The following ZNF804B variants were observed in gnomAD, a reference collection of about 807,000 sequenced individuals.
ZNF804B encodes zinc finger 804B.
ZNF804B carries 80 observed loss-of-function variants against 101.4 expected under a neutral mutation model. That is an observed-to-expected ratio of 0.79 (90% CI 0.66 to 0.95). The LOEUF (loss-of-function observed/expected upper bound fraction) is 0.95, where lower values mean the gene tolerates loss of function less well. Ranked by LOEUF, ZNF804B falls within the 40% of genes least tolerant of loss-of-function variation. The pLI is 0.00. For missense variants in ZNF804B, 1,673 were observed against 1,561.9 expected, an observed-to-expected ratio of 1.07 and a Z score of -1.20; for synonymous variants, 622 against 558.8, an observed-to-expected ratio of 1.11 and a Z score of -1.59.
chr7:88,967,574 G>A (rs528981697), intron 1 of ZNF804B, among the ~76,000 whole-genome samples: 9 of 150,290 alleles, frequency 6.0e-5, no homozygotes, highest in African/African-American at 1.5e-4. Flanking sequence ...GATTTAAATT[G>A]CAAAGGTAAC....
chr7:88,796,662 A>G (rs1790490424), intron 1 of ZNF804B, among the ~76,000 whole-genome samples: 1 of 152,104 alleles, frequency 6.6e-6, no homozygotes, highest in Non-Finnish European at 1.5e-5. Flanking sequence ...TCTCACATCC[A>G]ACTCTGGAAA....
intron 1 of ZNF804B, among the ~76,000 whole-genome samples, chr7:88,878,287 T>C (rs1455995678): frequency 1.3e-5 from 2 of 152,146 alleles, no homozygotes; most frequent in African/African-American, 4.8e-5. Context: ...GGTCTCACTT[T>C]CTCCATTAGA....
At chr7:89,275,888 C>G (rs1275833978) in intron 2 of ZNF804B, among the ~76,000 whole-genome samples, 1 of 151,610 alleles carries the variant, frequency 6.6e-6, no homozygotes, top group African/African-American at 2.4e-5. Flanking sequence ...AGTGCAAAAC[C>G]TCTTGGATTT....
At chr7:88,879,925 G>A (rs1470996032) in intron 1 of ZNF804B, among the ~76,000 whole-genome samples, 2 of 152,094 alleles carry the variant, frequency 1.3e-5, no homozygotes, top group Non-Finnish European at 2.9e-5. Flanking sequence ...TGTATTCCGA[G>A]CTATGCAGGA....
intron 1 of ZNF804B, among the ~76,000 whole-genome samples, chr7:89,127,161 A>G (rs1243785135): frequency 1.3e-5 from 2 of 151,970 alleles, no homozygotes; most frequent in Admixed American, 6.6e-5. Flanking sequence ...CCTTTAAAAC[A>G]TAATTCATTT....
At chr7:89,184,412 C>T (rs564590650) in intron 1 of ZNF804B, among the ~76,000 whole-genome samples, 3 of 152,204 alleles carry the variant, frequency 2.0e-5, no homozygotes, top group South Asian at 4.1e-4. Context: ...GTTATTTCCC[C>T]TCAGCCTTCT....
intron 1 of ZNF804B, among the ~76,000 whole-genome samples, chr7:88,866,259 G>A (rs901914335): frequency 6.6e-6 from 1 of 152,164 alleles, no homozygotes; most frequent in African/African-American, 2.4e-5. Flanking sequence ...ATCTGTGATA[G>A]AGTCTTCAAG....
At chr7:88,779,258 G>A (rs2115654828) in intron 1 of ZNF804B, among the ~76,000 whole-genome samples, 1 of 152,186 alleles carries the variant, frequency 6.6e-6, no homozygotes, top group South Asian at 2.1e-4. Context: ...GTAGGGCCTG[G>A]GCTATGCATT....
intron 1 of ZNF804B, among the ~76,000 whole-genome samples, chr7:89,081,221 G>A (rs1789693155): frequency 6.6e-6 from 1 of 151,928 alleles, no homozygotes; most frequent in African/African-American, 2.4e-5. Context: ...CTTATTCAGT[G>A]CCAGGAATAT....
At chr7:88,812,894 A>T (rs1224323011) in intron 1 of ZNF804B, among the ~76,000 whole-genome samples, 1 of 151,966 alleles carries the variant, frequency 6.6e-6, no homozygotes, top group Non-Finnish European at 1.5e-5. Flanking sequence ...GTTACTAGGG[A>T]CCAAGGAGAG....
At chr7:89,260,446 G>C (rs1368676374) in intron 2 of ZNF804B, among the ~76,000 whole-genome samples, 1 of 151,718 alleles carries the variant, frequency 6.6e-6, no homozygotes, top group Middle Eastern at 3.2e-3. Context: ...TGGGAATTTT[G>C]CTGCTGCTTG....
At chr7:88,988,482 T>C (rs1793796902) in intron 1 of ZNF804B, among the ~76,000 whole-genome samples, 2 of 152,270 alleles carry the variant, frequency 1.3e-5, no homozygotes, top group South Asian at 4.1e-4. Context: ...CTGACGTATA[T>C]ACAGCATCAA....
chr7:89,313,601 C>T (rs1790676498), intron 2 of ZNF804B, among the ~76,000 whole-genome samples: 1 of 152,144 alleles, frequency 6.6e-6, no homozygotes, highest in African/African-American at 2.4e-5. Context: ...ATTCTGCTTG[C>T]AGTACACATG....
chr7:88,966,747 GAC>G (rs1190385291), intron 1 of ZNF804B, among the ~76,000 whole-genome samples: 2 of 150,838 alleles, frequency 1.3e-5, no homozygotes, highest in Non-Finnish European at 3.0e-5. Flanking sequence ...AAGGCATCTA[GAC>G]ACACACATAC....
chr7:89,189,040 C>A (rs1788416203), intron 1 of ZNF804B, among the ~76,000 whole-genome samples: 2 of 152,126 alleles, frequency 1.3e-5, no homozygotes, highest in Admixed American at 1.3e-4. Flanking sequence ...ATACAACTTT[C>A]ATAGCTAAAG....
At chr7:88,813,233 C>G (rs1223532265) in intron 1 of ZNF804B, among the ~76,000 whole-genome samples, 1 of 151,780 alleles carries the variant, frequency 6.6e-6, no homozygotes, top group Non-Finnish European at 1.5e-5. Context: ...CGAGACCATC[C>G]TGGTTAACAC....
chr7:88,992,330 T>C (rs1301148848), intron 1 of ZNF804B, among the ~76,000 whole-genome samples: 2 of 152,186 alleles, frequency 1.3e-5, no homozygotes, highest in African/African-American at 4.8e-5. Flanking sequence ...GAGAAAGTCA[T>C]GTGCTTGTTT....
At chr7:89,120,420 G>A (rs1017481923) in intron 1 of ZNF804B, among the ~76,000 whole-genome samples, 11 of 152,136 alleles carry the variant, frequency 7.2e-5, no homozygotes, top group Non-Finnish European at 1.6e-4. Flanking sequence ...CACTCTGAGA[G>A]GCCGAGGCGG....
chr7:89,215,067 T>C (rs748082967), intron 1 of ZNF804B, among the ~76,000 whole-genome samples: 7 of 152,208 alleles, frequency 4.6e-5, no homozygotes, highest in Non-Finnish European at 8.8e-5. Flanking sequence ...GTAGAATTTA[T>C]ACTCCTCCTG....
Sources: allele counts gnomAD v4.1 joint callset (sites outside exome capture counted in the v4.1 genomes callset), GRCh38; gene constraint gnomAD v4.1.1; transcripts MANE v1.5; gene names NCBI Gene and HGNC (gene_info 2026-07-23, HGNC 2026-07-21).